CFAP46: variants seen among roughly 807,000 people sequenced by gnomAD.
The protein encoded by CFAP46 is cilia and flagella associated protein 46.
CFAP46 carries 245 observed loss-of-function variants against 325.7 expected under a neutral mutation model. That is an observed-to-expected ratio of 0.75 (90% CI 0.68 to 0.84). The LOEUF (loss-of-function observed/expected upper bound fraction) is 0.84, where lower values mean the gene tolerates loss of function less well. Among genes scored for constraint, CFAP46 ranks in the 40% least tolerant of loss-of-function variants. The pLI, the probability that CFAP46 is intolerant of heterozygous loss-of-function variation, is 0.00. For missense variants in CFAP46, 3,346 were observed against 3,543.0 expected (o/e 0.94, Z 1.41); for synonymous variants, 1,523 against 1,495.9 (o/e 1.02, Z -0.42).
At chr10:132,872,478 C>G in intron 32 of CFAP46, 198 bp downstream of exon 32, 2 of 655,944 alleles carry the variant, frequency 3.0e-6, no homozygotes, top group Non-Finnish European at 5.1e-6. Context: ...AGGCTGGTCT[C>G]AAACTCCTGG....
intron 41 of CFAP46, 142 bp downstream of exon 41, chr10:132,850,102 C>T: frequency 1.2e-6 from 1 of 833,048 alleles, no homozygotes; most frequent in Non-Finnish European, 1.9e-6. Flanking sequence ...CCCATTTCTT[C>T]CCTCACGCCT....
chr10:132,814,158 A>C lies in CFAP46; in HGVS notation c.7382T>G (p.Phe2461Cys). 5 of 1,613,558 alleles carry C rather than the reference A, an allele frequency of 3.1e-6. No individual in the cohort carries two copies. The highest frequency in any genetic ancestry group is 4.2e-6 in the Non-Finnish European group (5 of 1,179,766). ...RWAGHLGSKH[F>C]PSQAQWEQAL... ...TGGGAGCCCAGATCCGAACCTGGGA[A>C]AGTGCTTGCTTCCCAGATGTCCCGC... Residue 2461 changes from phenylalanine (F) to cysteine (C), a missense_variant, in exon 54 of 58, where the codon TTT becomes TGT. Coordinates refer to ENST00000368586, the MANE Select transcript of CFAP46 (RefSeq NM_001200049.3).
At position 132,942,395 on chromosome 10, in the gene CFAP46, G is replaced by C. The variant is rs961316153; in HGVS notation, c.49+41C>G. On this transcript the variant is annotated intron_variant, in intron 1 of 57. Transcript: ENST00000368586. ...GGGGCGGGGGTCGTGGCGGGTCCCG[G>C]GGCCTCCCCGGGGCGGGGGTCGTGG... 311 of 1,365,498 alleles carry C rather than the reference G, an allele frequency of 2.3e-4. 1 individual carries two copies. Among genetic ancestry groups the C allele is most frequent in the Non-Finnish European group, 1.7e-4 (178 of 1,066,426 alleles). 84.6% of individuals were successfully genotyped at this position (1,365,498 alleles called of 1,614,324 possible). A position where few individuals can be genotyped will look rare whatever the true frequency, so the allele number is the denominator to read the frequency against.
chr10:132,897,015 GCA>G (rs1296263487), intron 24 of CFAP46, among the ~76,000 whole-genome samples: 1 of 152,216 alleles, frequency 6.6e-6, no homozygotes. Context: ...ACTAGGGAAA[GCA>G]CAGTCTCTTC....
chr10:132,881,677 G>A (rs1253118014), intron 27 of CFAP46, among the ~76,000 whole-genome samples: 1 of 71,060 alleles, frequency 1.4e-5, no homozygotes, highest in Non-Finnish European at 4.0e-5. Context: ...AGCCCTGCGA[G>A]CCGGGGTTAG....
rs756390632 is a variant in CFAP46 at position 132,889,841 on chromosome 10, A to G, written c.3304+2492T>C. On this transcript the variant is annotated intron_variant, in intron 25 of 57. Coordinates refer to ENST00000368586, the MANE Select transcript of CFAP46 (RefSeq NM_001200049.3). The surrounding 1 kb of genome is among the most constrained non-coding windows in gnomAD (Gnocchi z 6.0). ...GGGCCTCGTGTTTCCACAGCACAGC[A>G]TGGCCGTCCCGCCTGATTAAAGTAT... Among the ~76,000 whole-genome samples, 2 of 152,194 alleles carry G rather than the reference A, an allele frequency of 1.3e-5. No individual in the cohort carries two copies. The highest frequency in any genetic ancestry group is 2.4e-5 in the African/African-American group (1 of 41,452).
rs887178459 is a variant in CFAP46, at chr10:132,877,681, G to A, written c.4212+200C>T. On this transcript the variant is annotated intron_variant, in intron 30 of 57. Coordinates refer to ENST00000368586, the MANE Select transcript of CFAP46 (RefSeq NM_001200049.3). The surrounding 1 kb of genome is among the most constrained non-coding windows in gnomAD (Gnocchi z 5.7). ...AGAAACTGAGGCACAGAGGCCAGCC[G>A]GGGCCCAGCCTCTGCACTGAGGCCA... is the stretch of plus-strand genomic sequence containing the variant. Among the ~76,000 whole-genome samples the A allele has an allele frequency of 4.0e-5, 6 of 151,844 alleles. No individual in the cohort carries two copies. The highest frequency in any genetic ancestry group is 7.4e-5 in the Non-Finnish European group (5 of 67,946).
intron 6 of CFAP46, 30 bp from the exon 7 acceptor site, chr10:132,937,085 T>C (rs767121955): frequency 1.5e-6 from 2 of 1,358,560 alleles, no homozygotes; most frequent in Non-Finnish European, 2.0e-6. Flanking sequence ...ATTATTAATC[T>C]GGATTCAAAC....
Position 132,922,513 on chromosome 10 carries a change from G to A in CFAP46, c.1452C>T (p.Arg484=), listed in dbSNP as rs936095223. Residue 484 remains arginine (R), a synonymous_variant, in exon 12 of 58, where the codon CGC becomes CGT. Transcript: ENST00000368586. ...CGGCCATGATGGCCTTGTCCTCTGC[G>A]CGCTCAGGGGCCTGGTATAGCGTGG... The part of the protein sequence containing the change: ...LCTTLYQAPE[R]AEDKAIMAVE... The A allele has an allele frequency of 1.6e-5, 24 of 1,545,318 alleles. No homozygotes were observed. The highest frequency in any genetic ancestry group is 1.9e-5 in the Non-Finnish European group (22 of 1,145,536).
chr10:132,891,131 G>C (rs1343139935), intron 25 of CFAP46, among the ~76,000 whole-genome samples: 1 of 152,214 alleles, frequency 6.6e-6, no homozygotes, highest in Non-Finnish European at 1.5e-5. Flanking sequence ...TGTGAGCACA[G>C]CCTAGAGGCC....
chr10:132,906,090 G>A (rs1306304779), intron 22 of CFAP46, among the ~76,000 whole-genome samples: 3 of 152,236 alleles, frequency 2.0e-5, no homozygotes, highest in Non-Finnish European at 2.9e-5. Context: ...TGAAAAGCCC[G>A]TCGATGTTGG....
chr10:132,912,276 T>C (rs1849554166), intron 19 of CFAP46, among the ~76,000 whole-genome samples: 1 of 81,350 alleles, frequency 1.2e-5, no homozygotes, highest in African/African-American at 5.2e-5. Flanking sequence ...CTCTCTCTTC[T>C]CCTCTCTCCT....
chr10:132,926,426 G>C (rs2135651069), intron 10 of CFAP46, 142 bp downstream of exon 10: 1 of 658,486 alleles, frequency 1.5e-6, no homozygotes, highest in Non-Finnish European at 2.7e-6. Flanking sequence ...CACACCCGCT[G>C]TCACGGGAGC....
chr10:132,898,718 A>G, intron 24 of CFAP46: 3 of 610,800 alleles, frequency 4.9e-6, no homozygotes, highest in South Asian at 1.8e-5. Context: ...CAGGGCTGAG[A>G]GCCCCTCGGT....
chr10:132,937,101 G>T, intron 6 of CFAP46, 46 bp from the exon 7 acceptor site: 1 of 1,100,470 alleles, frequency 9.1e-7, no homozygotes, highest in South Asian at 2.0e-5. Context: ...CAAACAATTC[G>T]GTAGAGGTTC....
At chr10:132,899,691 G>T in intron 22 of CFAP46, 25 bp from the exon 23 acceptor site, 1 of 1,539,068 alleles carries the variant, frequency 6.5e-7, no homozygotes, top group African/African-American at 1.4e-5. Flanking sequence ...CCAGTGAGGA[G>T]GGAGGCCACT....
At chr10:132,934,522 G>A (rs111892496) in intron 8 of CFAP46, among the ~76,000 whole-genome samples, 4 of 152,312 alleles carry the variant, frequency 2.6e-5, no homozygotes, top group African/African-American at 9.6e-5. Flanking sequence ...CCATCCATAT[G>A]CCTACAAACT....
rs567226895 is a variant in CFAP46, at chr10:132,876,347, G to A, written c.4362+465C>T. Among the ~76,000 whole-genome samples the A allele has an allele frequency of 2.6e-5, 4 of 152,332 alleles. No homozygotes were observed. The highest frequency in any genetic ancestry group is 1.9e-4 in the East Asian group (1 of 5,186). On this transcript the variant is annotated intron_variant, in intron 31 of 57. Coordinates refer to ENST00000368586, the MANE Select transcript of CFAP46 (RefSeq NM_001200049.3). This position sits in a 1 kb window ranked among gnomAD's most constrained non-coding sequence, Gnocchi z 4.1. ...TAAATGCAATTCTGTGGGAGGGAGC[G>A]GGAGATTTGATCCACACAAAAGAGG...
In CFAP46 at chr10:132,872,787, G is replaced by T. The variant is rs1848911514; in HGVS notation, c.4400C>A (p.Ala1467Asp). 6.4e-7 allele frequency: 1 copy of T among 1,550,982 alleles called. No individual in the cohort carries two copies. The highest frequency in any genetic ancestry group is 1.4e-5 in the African/African-American group (1 of 73,070). Residue 1467 changes from alanine to aspartate, a missense_variant, in exon 32 of 58, where the codon GCC becomes GAC. Coordinates refer to ENST00000368586, the MANE Select transcript of CFAP46 (RefSeq NM_001200049.3). ...SLYFLDHLVK[A>D]LQKMCLHELT... ...TTCGTGCAGGCACATCTTCTGCAGG[G>T]CCTTGACCAGGTGGTCCAGGAAATA...
Sources: gnomAD v4.1 joint callset for allele counts (sites outside exome capture counted in the v4.1 genomes callset) on GRCh38, gnomAD v4.1.1 for gene constraint, Gnocchi (gnomAD v3.1) non-coding constraint, MANE v1.5 for transcripts, NCBI Gene and HGNC (gene_info 2026-07-23, HGNC 2026-07-21) for gene names.